The following KCNAB1 variants were observed in gnomAD, a reference collection of about 807,000 sequenced individuals.
KCNAB1 encodes potassium voltage-gated channel subfamily A regulatory beta subunit 1, also known as voltage-gated potassium channel subunit beta-1.
A neutral mutation model predicts 64.6 loss-of-function variants in KCNAB1; 35 were observed. That is an observed-to-expected ratio of 0.54 (90% CI 0.41 to 0.72). The LOEUF is 0.72. Among genes scored for constraint, KCNAB1 ranks in the 30% least tolerant of loss-of-function variants. The pLI, the probability that KCNAB1 is intolerant of heterozygous loss-of-function variation, is 0.00. For synonymous variants in KCNAB1, 177 were observed against 183.8 expected (o/e 0.96, Z 0.30); for missense variants, 401 against 512.9 (o/e 0.78, Z 2.11).
intron 1 of KCNAB1, among the ~76,000 whole-genome samples, chr3:156,409,377 T>A (rs1176728866): frequency 6.6e-6 from 1 of 152,220 alleles, no homozygotes; most frequent in Admixed American, 6.5e-5. Context: ...TGCCATGCAG[T>A]GATTAATTAA....
In KCNAB1 at chr3:156,537,020, T is replaced by C; in HGVS notation, c.*273T>C. The C allele has an allele frequency of 2.1e-6, 1 of 476,412 alleles. No homozygotes were observed. The highest frequency in any genetic ancestry group is 3.8e-5 in the Admixed American group (1 of 26,256). 29.5% of individuals were successfully genotyped at this position (476,412 alleles called of 1,614,324 possible). The stretch of plus-strand genomic sequence containing the variant: ...CCTCATGCTTATGCAATGGGAAGAA[T>C]ATGGGGGCCAGGGGGTGTGGTACTA... On this transcript the variant is annotated 3_prime_UTR_variant, in exon 14 of 14. Coordinates refer to ENST00000490337, the MANE Select transcript of KCNAB1 (RefSeq NM_172160.3).
intron 1 of KCNAB1, among the ~76,000 whole-genome samples, chr3:156,157,789 G>A (rs928255231): frequency 6.6e-6 from 1 of 152,024 alleles, no homozygotes; most frequent in Non-Finnish European, 1.5e-5. Flanking sequence ...AAAAGAACAG[G>A]ATGAAAAACA....
At chr3:156,162,317 A>T (rs577716977) in intron 1 of KCNAB1, among the ~76,000 whole-genome samples, 26 of 151,854 alleles carry the variant, frequency 1.7e-4, no homozygotes, top group Non-Finnish European at 3.1e-4. Flanking sequence ...ATACCTGTTT[A>T]TTTTTGTGCA....
At chr3:156,501,705 T>C (rs1245477852) in intron 8 of KCNAB1, among the ~76,000 whole-genome samples, 2 of 152,142 alleles carry the variant, frequency 1.3e-5, no homozygotes, top group African/African-American at 4.8e-5. Context: ...GTGCAGGGAT[T>C]ACAGGCGTGA....
At position 156,124,891 on chromosome 3, in the gene KCNAB1, G is replaced by A. The variant is rs1344098490; in HGVS notation, c.275+4005G>A. Among the ~76,000 whole-genome samples, 4 of 152,116 alleles carry A rather than the reference G, an allele frequency of 2.6e-5. No homozygotes were observed. In the South Asian group the frequency reaches 8.3e-4, roughly 32 times the overall value. ...ATGGTGGCTCATGCCTGTAATACCA[G>A]CACTTTGGGAGGCCGAGGCAGGTAG... On this transcript the variant is annotated intron_variant, in intron 1 of 13. Transcript: ENST00000490337.
At chr3:156,359,639 C>A (rs1224297612) in intron 1 of KCNAB1, among the ~76,000 whole-genome samples, 1 of 152,184 alleles carries the variant, frequency 6.6e-6, no homozygotes, top group Non-Finnish European at 1.5e-5. Flanking sequence ...CTGATGAAAT[C>A]ATCACTGTGG....
At chr3:156,141,251 A>G (rs1032040032) in intron 1 of KCNAB1, among the ~76,000 whole-genome samples, 1 of 152,134 alleles carries the variant, frequency 6.6e-6, no homozygotes, top group Admixed American at 6.5e-5. Context: ...GATTTTTCCA[A>G]TATTATATGC....
chr3:156,509,621 C>T (rs927035734), intron 8 of KCNAB1, among the ~76,000 whole-genome samples: 7 of 152,126 alleles, frequency 4.6e-5, no homozygotes, highest in Non-Finnish European at 7.4e-5. Flanking sequence ...AATATGTAGT[C>T]GGAGTTGAGA....
chr3:156,273,417 C>T (rs1576665738), intron 1 of KCNAB1: 1 of 323,492 alleles, frequency 3.1e-6, no homozygotes, highest in East Asian at 8.6e-5. Context: ...TAATTCCCCT[C>T]TGGCTAGGCC....
chr3:156,382,520 C>A (rs904403159), intron 1 of KCNAB1, among the ~76,000 whole-genome samples: 4 of 151,926 alleles, frequency 2.6e-5, no homozygotes, highest in Admixed American at 1.3e-4. Context: ...AACAAAAAAA[C>A]CAACCAACCA....
chr3:156,467,341 G>C (rs112295354), intron 7 of KCNAB1, among the ~76,000 whole-genome samples: 2 of 151,988 alleles, frequency 1.3e-5, no homozygotes, highest in South Asian at 2.1e-4. Context: ...AAAAATCCAA[G>C]AATTTTGTAA....
At chr3:156,171,331 G>A (rs999976969) in intron 1 of KCNAB1, among the ~76,000 whole-genome samples, 1 of 151,992 alleles carries the variant, frequency 6.6e-6, no homozygotes, top group Non-Finnish European at 1.5e-5. Flanking sequence ...TTCTATAAAT[G>A]TCATTGAATA....
At chr3:156,187,054 A>G (rs1357747179) in intron 1 of KCNAB1, among the ~76,000 whole-genome samples, 1 of 151,762 alleles carries the variant, frequency 6.6e-6, no homozygotes, top group Non-Finnish European at 1.5e-5. Context: ...GGTTCTCCCT[A>G]TGTTGCCCAG....
intron 1 of KCNAB1, among the ~76,000 whole-genome samples, chr3:156,321,464 C>A (rs2108026148): frequency 6.6e-6 from 1 of 152,328 alleles, no homozygotes; most frequent in Admixed American, 6.5e-5. Flanking sequence ...CTTGTCAGGA[C>A]CAAAAGCTAC....
chr3:156,139,279 C>T (rs1355830714), intron 1 of KCNAB1, among the ~76,000 whole-genome samples: 1 of 152,196 alleles, frequency 6.6e-6, no homozygotes, highest in Non-Finnish European at 1.5e-5. Context: ...CAGTTCCAGA[C>T]AAATATTGGC....
At chr3:156,231,462 A>C in intron 1 of KCNAB1, among the ~76,000 whole-genome samples, 1 of 148,640 alleles carries the variant, frequency 6.7e-6, no homozygotes, top group South Asian at 2.2e-4. Flanking sequence ...TCTATAGAGA[A>C]TCCCCTTTCT....
chr3:156,385,448 A>G (rs1712516093), intron 1 of KCNAB1, among the ~76,000 whole-genome samples: 1 of 152,182 alleles, frequency 6.6e-6, no homozygotes, highest in African/African-American at 2.4e-5. Flanking sequence ...GGAAGAAAAA[A>G]AAAAAAGCAT....
At chr3:156,304,938 C>T (rs952802355) in intron 1 of KCNAB1, among the ~76,000 whole-genome samples, 26 of 151,632 alleles carry the variant, frequency 1.7e-4, no homozygotes, top group Non-Finnish European at 3.4e-4. Context: ...TAATTTATAT[C>T]GAGTATGTGA....
intron 1 of KCNAB1, among the ~76,000 whole-genome samples, chr3:156,226,014 TTGC>T (rs1716136182): frequency 6.6e-6 from 1 of 152,016 alleles, no homozygotes; most frequent in Admixed American, 6.5e-5. Context: ...TATAAATTCA[TTGC>T]AATTCCCATC....
Sources: gnomAD v4.1 joint callset for allele counts (sites outside exome capture counted in the v4.1 genomes callset) on GRCh38, gnomAD v4.1.1 for gene constraint, MANE v1.5 for transcripts, NCBI Gene and HGNC (gene_info 2026-07-23, HGNC 2026-07-21) for gene names.